ZIC4: variants seen among roughly 807,000 people sequenced by gnomAD.
The protein encoded by ZIC4 is zinc finger protein ZIC 4.
ZIC4 carries 15 observed loss-of-function variants against 28.8 expected under a neutral mutation model. The observed-to-expected ratio is 0.52, with a 90% CI of 0.35 to 0.80. The LOEUF (loss-of-function observed/expected upper bound fraction) is 0.80. Among genes scored for constraint, ZIC4 ranks in the 30% least tolerant of loss-of-function variants. The pLI, the probability that ZIC4 is intolerant of heterozygous loss-of-function variation, is 0.01. For missense variants in ZIC4, 512 were observed against 467.1 expected, an observed-to-expected ratio of 1.10 and a Z score of -0.89; for synonymous variants, 220 against 198.1, an observed-to-expected ratio of 1.11 and a Z score of -0.93.
Position 147,402,801 on chromosome 3 carries a change from C to A in ZIC4, c.-4G>T, listed in dbSNP as rs2087195205. On this transcript the variant is annotated 5_prime_UTR_variant, in exon 2 of 5. An upstream open reading frame in the 5' UTR gains an earlier in-frame stop. Transcript: ENST00000383075. ...CCAAGGATGTCTTGTATCTCATTTT[C>A]TGACTTTGAGCCTGTTTGGGAAGAA... 1 of 1,613,634 alleles carries A rather than the reference C, an allele frequency of 6.2e-7. No individual in the cohort carries two copies.
At position 147,396,555 on chromosome 3, in the gene ZIC4, T is replaced by G; in HGVS notation, c.71-86A>C. ...GGGCCCCGGGGGGCAGGCCCAGCCC[T>G]GCCGCACTACGGCCTCTGCAGTCAG... is the stretch of plus-strand genomic sequence containing the variant. On this transcript the variant is annotated intron_variant, in intron 2 of 4. Transcript: ENST00000383075. The surrounding 1 kb of genome is among the most constrained non-coding windows in gnomAD (Gnocchi z 4.2). 6.9e-7 allele frequency: 1 copy of G among 1,440,870 alleles called. No homozygotes were observed. The highest frequency in any genetic ancestry group is 9.1e-7 in the Non-Finnish European group (1 of 1,099,048). 89.3% of individuals were successfully genotyped at this position (1,440,870 alleles called of 1,614,324 possible).
chr3:147,399,877 G>A (rs561788777), intron 2 of ZIC4, among the ~76,000 whole-genome samples: 13 of 152,024 alleles, frequency 8.6e-5, no homozygotes, highest in African/African-American at 2.7e-4. Context: ...TGTTAGCCAG[G>A]CTGGTCTTGA....
Position 147,396,505 on chromosome 3 carries a change from T to C in ZIC4, c.71-36A>G. ...AACAAATAGCGCGCATGAGAACGGG[T>C]GGCGTGGGCTGCGCGCTCTTCCCTG... is the stretch of plus-strand genomic sequence containing the variant. On this transcript the variant is annotated intron_variant, in intron 2 of 4. Transcript: ENST00000383075. The surrounding 1 kb of genome is among the most constrained non-coding windows in gnomAD (Gnocchi z 4.2). 1 of 1,493,820 alleles carries C rather than the reference T, an allele frequency of 6.7e-7. No individual in the cohort carries two copies. The highest frequency in any genetic ancestry group is 1.4e-5 in the African/African-American group (1 of 71,426). The allele number at this position is 1,493,820 out of a possible 1,614,324, so 92.5% of individuals were successfully genotyped here. A position where few individuals can be genotyped will look rare whatever the true frequency, so the allele number is the denominator to read the frequency against.
intron 2 of ZIC4, among the ~76,000 whole-genome samples, chr3:147,399,544 C>T (rs1050839850): frequency 3.3e-5 from 5 of 152,064 alleles, no homozygotes; most frequent in Non-Finnish European, 7.3e-5. Context: ...GGAACTTCTG[C>T]AATATTTCGG....
Position 147,402,803 on chromosome 3 carries a change from G to A in ZIC4, c.-6C>T, listed in dbSNP as rs1559965504. ...AAGGATGTCTTGTATCTCATTTTCT[G>A]ACTTTGAGCCTGTTTGGGAAGAAAA... On this transcript the variant is annotated 5_prime_UTR_variant, in exon 2 of 5. Transcript: ENST00000383075. The A allele has an allele frequency of 6.2e-7, 1 of 1,613,572 alleles. No individual in the cohort carries two copies. The highest frequency in any genetic ancestry group is 1.7e-5 in the Admixed American group (1 of 59,924).
In ZIC4 at chr3:147,386,232, A is replaced by T. The variant is rs2086795831; in HGVS notation, c.*2627T>A. 6.6e-6 allele frequency: 1 copy of T among 152,222 alleles called. No individual in the cohort carries two copies. Among genetic ancestry groups the T allele is most frequent in the African/African-American group, 2.4e-5 (1 of 41,444 alleles). The allele number at this position is 152,222 out of a possible 1,614,324, so 9.4% of individuals were successfully genotyped here. A position where few individuals can be genotyped will look rare whatever the true frequency, so the allele number is the denominator to read the frequency against. On this transcript the variant is annotated 3_prime_UTR_variant, in exon 5 of 5. Transcript: ENST00000383075. ...TTCATTCAACAATCACTTTCAGTCAAACAACTTTTATTTTCAAGTTAGTTC... is the reference window on the plus strand; with the variant it reads ...TTCATTCAACAATCACTTTCAGTCATACAACTTTTATTTTCAAGTTAGTTC...
intron 3 of ZIC4, among the ~76,000 whole-genome samples, chr3:147,394,335 G>A (rs1356039782): frequency 7.0e-6 from 1 of 143,376 alleles, no homozygotes; most frequent in Non-Finnish European, 1.5e-5. Context: ...CTGAAAACAC[G>A]AAAACCTGAG....
Position 147,388,844 on chromosome 3 carries a change from G to T in ZIC4, c.*15C>A, listed in dbSNP as rs777604254. ...TGCGCGGAGCGAGATTACCTTGCGA[G>T]CAACGCGGTGGACATCTGTAACAAG... is the stretch of plus-strand genomic sequence containing the variant. On this transcript the variant is annotated 3_prime_UTR_variant, in exon 5 of 5. Transcript: ENST00000383075. 5 of 780,006 alleles carry T rather than the reference G, an allele frequency of 6.4e-6. No individual in the cohort carries two copies. In the Admixed American group the frequency reaches 8.5e-5, roughly 13 times the overall value. 48.3% of individuals were successfully genotyped at this position (780,006 alleles called of 1,614,324 possible).
At chr3:147,405,888 TGG>T in intron 1 of ZIC4, 2 of 216,006 alleles carry the variant, frequency 9.3e-6, no homozygotes, top group South Asian at 1.3e-4. Context: ...GCCACCCCCT[TGG>T]GGGCAGAGCA....
chr3:147,390,472 C>T (rs958672112), intron 4 of ZIC4, among the ~76,000 whole-genome samples: 3 of 152,114 alleles, frequency 2.0e-5, no homozygotes, highest in African/African-American at 7.2e-5. Context: ...GCGAAGCATG[C>T]GGGAAATCTG....
chr3:147,389,172 C>G (rs2086856376), intron 4 of ZIC4: 2 of 420,622 alleles, frequency 4.8e-6, no homozygotes, highest in Non-Finnish European at 8.4e-6. Context: ...ATTTCAGTCC[C>G]CCTTTCTCAA....
intron 2 of ZIC4, among the ~76,000 whole-genome samples, chr3:147,401,604 A>G (rs2087166044): frequency 6.6e-6 from 1 of 152,200 alleles, no homozygotes; most frequent in African/African-American, 2.4e-5. Flanking sequence ...CAAGATTCCT[A>G]CACAGGGAGT....
intron 1 of ZIC4, chr3:147,405,585 G>A: frequency 1.8e-6 from 2 of 1,111,740 alleles, no homozygotes; most frequent in African/African-American, 1.5e-5. Flanking sequence ...CTAGGCTAGG[G>A]GCCAGAATCC....
At chr3:147,402,655 C>T in intron 2 of ZIC4, 73 bp downstream of exon 2, 1 of 1,364,172 alleles carries the variant, frequency 7.3e-7, no homozygotes, top group Non-Finnish European at 1.0e-6. Flanking sequence ...AAACTTCCTA[C>T]TTAAAAAAAA....
At chr3:147,389,048 T>C (rs1295376622) in intron 4 of ZIC4, 189 bp from the exon 5 acceptor site, 8 of 612,994 alleles carry the variant, frequency 1.3e-5, no homozygotes, top group Non-Finnish European at 2.1e-5. Context: ...GCAAATGCCC[T>C]CTGCACCTTA....
At chr3:147,398,585 G>A (rs1367883643) in intron 2 of ZIC4, among the ~76,000 whole-genome samples, 1 of 152,118 alleles carries the variant, frequency 6.6e-6, no homozygotes, top group Non-Finnish European at 1.5e-5. Flanking sequence ...TGCGTCGTCC[G>A]GCGATTTAAA....
At chr3:147,393,602 G>C in intron 3 of ZIC4, 1 of 279,638 alleles carries the variant, frequency 3.6e-6, no homozygotes, top group South Asian at 3.2e-5. Flanking sequence ...CGGGTCCGCC[G>C]AACAAAGTTC....
intron 1 of ZIC4, chr3:147,405,626 A>G: frequency 1.3e-6 from 1 of 792,150 alleles, no homozygotes; most frequent in Non-Finnish European, 2.1e-6. Flanking sequence ...CCAGAGAGCT[A>G]GTTGCTGCTC....
At chr3:147,402,038 A>G (rs1002845066) in intron 2 of ZIC4, among the ~76,000 whole-genome samples, 1 of 152,208 alleles carries the variant, frequency 6.6e-6, no homozygotes, top group Admixed American at 6.5e-5. Context: ...TTGTCTACCA[A>G]TGAGGGAACA....
Sources: allele counts gnomAD v4.1 joint callset (sites outside exome capture counted in the v4.1 genomes callset), GRCh38; gene constraint gnomAD v4.1.1; non-coding constraint Gnocchi (gnomAD v3.1); transcripts MANE v1.5; gene names NCBI Gene and HGNC (gene_info 2026-07-23, HGNC 2026-07-21).